Variants in C5orf22 observed in about 807,000 individuals in gnomAD.
C5orf22 encodes the protein UPF0489 protein C5orf22.
C5orf22 carries 36 observed loss-of-function variants against 48.7 expected under a neutral mutation model. That is an observed-to-expected ratio of 0.74 (90% confidence interval 0.57 to 0.98). The LOEUF (loss-of-function observed/expected upper bound fraction) is 0.98. C5orf22 is among the 50% of genes least tolerant of loss of function. The pLI, the probability that C5orf22 is intolerant of heterozygous loss-of-function variation, is 0.00. For missense variants in C5orf22, 486 were observed against 521.9 expected (o/e 0.93, Z 0.67); for synonymous variants, 141 against 180.8 (o/e 0.78, Z 1.76).
chr5:31,533,106 C>T (rs553130613), intron 1 of C5orf22, among the ~76,000 whole-genome samples: 1 of 152,196 alleles, frequency 6.6e-6, no homozygotes, highest in African/African-American at 2.4e-5. Flanking sequence ...AGGCACGCAT[C>T]ACCGTACCCA....
rs763449182 is a variant in C5orf22, at chr5:31,534,328, A to C, written c.138A>C (p.Val46=). 6.2e-7 allele frequency: 1 copy of C among 1,613,870 alleles called. No individual in the cohort carries two copies. Among genetic ancestry groups the C allele is most frequent in the South Asian group, 1.1e-5 (1 of 91,076 alleles). Residue 46 remains valine, a synonymous_variant, in exon 2 of 9, where the codon GTA becomes GTC. Coordinates refer to ENST00000325366, the MANE Select transcript of C5orf22 (RefSeq NM_018356.3). ...CAAAGCATCTTCCTGCCAGTAATGT[A>C]AGTTTTTTACATTTCGACTCACATC... ...IGSKHLPASN[V]SFLHFDSHPD...
At chr5:31,550,719 C>A (rs758948346) in intron 7 of C5orf22, among the ~76,000 whole-genome samples, 2 of 152,120 alleles carry the variant, frequency 1.3e-5, no homozygotes, top group African/African-American at 4.8e-5. Flanking sequence ...TGTGCCACCA[C>A]GCCCGGCTAA....
rs1227247372 is a variant in C5orf22, at chr5:31,553,952, A to G, written c.*1050A>G. The G allele has an allele frequency of 6.6e-6, 1 of 152,174 alleles. No individual in the cohort carries two copies. The highest frequency in any genetic ancestry group is 2.4e-5 in the African/African-American group (1 of 41,442). The allele number at this position is 152,174 out of a possible 1,614,324, so 9.4% of individuals were successfully genotyped here. ...TTTCAGATAAACCAGCTTTTTATGT[A>G]AAGAGTAAGGGAAAAAGTTAAATCT... On this transcript the variant is annotated 3_prime_UTR_variant, in exon 9 of 9. Coordinates refer to ENST00000325366, the MANE Select transcript of C5orf22 (RefSeq NM_018356.3).
chr5:31,542,333 G>A (rs898832836), intron 6 of C5orf22, among the ~76,000 whole-genome samples: 9 of 151,608 alleles, frequency 5.9e-5, no homozygotes, highest in Non-Finnish European at 1.0e-4. Flanking sequence ...AGTGGTGGGC[G>A]CCTGTAGTCC....
At chr5:31,534,568 G>A in intron 2 of C5orf22, 151 bp downstream of exon 2, 1 of 696,058 alleles carries the variant, frequency 1.4e-6, no homozygotes, top group East Asian at 2.8e-5. Context: ...TAGAACAAGT[G>A]TTGACAACTT....
rs756529629 is a variant in C5orf22, at chr5:31,532,346, T to A, written c.-47T>A. On this transcript the variant is annotated 5_prime_UTR_variant, in exon 1 of 9. Transcript: ENST00000325366. ...GATGAGGCGCCGGCTTTCCCGGGTC[T>A]TCTCCAGCTGCCACCGCTTTACTGC... 6.3e-7 allele frequency: 1 copy of A among 1,599,038 alleles called. No individual in the cohort carries two copies. Among genetic ancestry groups the A allele is most frequent in the South Asian group, 1.1e-5 (1 of 90,724 alleles).
intron 4 of C5orf22, among the ~76,000 whole-genome samples, chr5:31,539,351 G>A (rs1224304777): frequency 1.3e-5 from 2 of 152,182 alleles, no homozygotes; most frequent in African/African-American, 4.8e-5. Context: ...AGGGACAAGT[G>A]TACATTGAAA....
At position 31,532,449 on chromosome 5, in the gene C5orf22, G is replaced by GT; in HGVS notation, c.58dup (p.Trp20LeufsTer26). 1 of 1,613,974 alleles carries GT rather than the reference G, an allele frequency of 6.2e-7. No individual in the cohort carries two copies. On this transcript the variant is annotated frameshift_variant, in exon 1 of 9. Coordinates refer to ENST00000325366, the MANE Select transcript of C5orf22 (RefSeq NM_018356.3). LOFTEE classifies it high-confidence loss of function. The stretch of plus-strand genomic sequence containing the variant: ...TCCGGCGTTACCCCAAGCTCCCAGT[G>GT]TGGGTGGTGGAGGATCATCAGGAGG...
rs960636748 is a variant in C5orf22, at chr5:31,535,913, G to C, written c.377+20G>C. 1.9e-6 allele frequency: 3 copies of C among 1,601,216 alleles called. No homozygotes were observed. The highest frequency in any genetic ancestry group is 2.7e-5 in the African/African-American group (2 of 74,334). On this transcript the variant is annotated intron_variant, in intron 3 of 8. Coordinates refer to ENST00000325366, the MANE Select transcript of C5orf22 (RefSeq NM_018356.3). ...AATCAGGTAATTTCCTCATATTTGT[G>C]AATATGGAAGTGATTGAATGTTTCT...
chr5:31,551,388 T>C lies in C5orf22; in HGVS notation c.1155T>C (p.Tyr385=). 2 of 1,613,432 alleles carry C rather than the reference T, an allele frequency of 1.2e-6. No homozygotes were observed. The highest frequency in any genetic ancestry group is 1.7e-6 in the Non-Finnish European group (2 of 1,179,876). The change falls in exon 8 of 9, where the codon TAT becomes TAC. Residue 385 remains tyrosine (Y), a synonymous_variant. Coordinates refer to ENST00000325366, the MANE Select transcript of C5orf22 (RefSeq NM_018356.3). ...EIECLIQSVH[Y]LLKNLPNPTL... ...AGTGTCTTATTCAATCTGTGCATTA[T>C]TTGCTGAAAAATTTACCAAATCCTA...
Position 31,553,067 on chromosome 5 carries a change from T to C in C5orf22, c.*165T>C. 1.6e-6 allele frequency: 1 copy of C among 619,716 alleles called. No homozygotes were observed. Among genetic ancestry groups the C allele is most frequent in the East Asian group, 3.2e-5 (1 of 30,966 alleles). 38.4% of individuals were successfully genotyped at this position (619,716 alleles called of 1,614,324 possible). A position where few individuals can be genotyped will look rare whatever the true frequency, so the allele number is the denominator to read the frequency against. ...AACAACCATTGTCAGTTGTGAATGA[T>C]GGTAAATTTTTTGGCATCAAGTCTC... On this transcript the variant is annotated 3_prime_UTR_variant, in exon 9 of 9. Coordinates refer to ENST00000325366, the MANE Select transcript of C5orf22 (RefSeq NM_018356.3).
chr5:31,543,449 G>A (rs758341453), intron 6 of C5orf22, among the ~76,000 whole-genome samples: 31 of 151,922 alleles, frequency 2.0e-4, no homozygotes, highest in Non-Finnish European at 3.8e-4. Flanking sequence ...ATGCACCTGC[G>A]GCCCCAGCTA....
intron 8 of C5orf22, among the ~76,000 whole-genome samples, chr5:31,552,406 T>G (rs1279956284): frequency 6.6e-6 from 1 of 152,190 alleles, no homozygotes; most frequent in East Asian, 1.9e-4. Flanking sequence ...ATAAAAGATG[T>G]TCCATCGCTA....
At chr5:31,532,554 T>C (rs1261915045) in intron 1 of C5orf22, 81 bp downstream of exon 1, 1 of 1,248,160 alleles carries the variant, frequency 8.0e-7, no homozygotes, top group Non-Finnish European at 1.1e-6. Flanking sequence ...GGCGCAACCT[T>C]AGCATCGGAG....
rs1010944323 is a variant in C5orf22 at position 31,552,919 on chromosome 5, G to C, written c.*17G>C. ...CCATCTTGAAACAAACAAAACATTA[G>C]GCTCCTGTTGTATCTTGGTTTAGTA... On this transcript the variant is annotated 3_prime_UTR_variant, in exon 9 of 9. Coordinates refer to ENST00000325366, the MANE Select transcript of C5orf22 (RefSeq NM_018356.3). The C allele has an allele frequency of 6.2e-7, 1 of 1,611,176 alleles. No individual in the cohort carries two copies. Among genetic ancestry groups the C allele is most frequent in the African/African-American group, 1.3e-5 (1 of 74,758 alleles).
At chr5:31,548,864 C>A (rs1385720691) in intron 7 of C5orf22, among the ~76,000 whole-genome samples, 1 of 152,158 alleles carries the variant, frequency 6.6e-6, no homozygotes, top group Non-Finnish European at 1.5e-5. Context: ...GTGAAAGGCA[C>A]ATCTCACATG....
intron 8 of C5orf22, among the ~76,000 whole-genome samples, chr5:31,551,735 G>A (rs189148890): frequency 1.3e-5 from 2 of 152,192 alleles, no homozygotes; most frequent in East Asian, 3.9e-4. Context: ...AAAAGGCCAG[G>A]GGACAGATTA....
In C5orf22 at chr5:31,554,317, A is replaced by G. The variant is rs908594752; in HGVS notation, c.*1415A>G. 3 of 152,172 alleles carry G rather than the reference A, an allele frequency of 2.0e-5. No homozygotes were observed. The highest frequency in any genetic ancestry group is 2.9e-5 in the Non-Finnish European group (2 of 68,032). 9.4% of individuals were successfully genotyped at this position (152,172 alleles called of 1,614,324 possible). A position where few individuals can be genotyped will look rare whatever the true frequency, so the allele number is the denominator to read the frequency against. ...AGCTAAAATTATAGTGTGCTGCCTAACTTTGTGCTAATAACGAAGGACACA... is the reference window on the plus strand; with the variant it reads ...AGCTAAAATTATAGTGTGCTGCCTAGCTTTGTGCTAATAACGAAGGACACA... On this transcript the variant is annotated 3_prime_UTR_variant, in exon 9 of 9. Coordinates refer to ENST00000325366, the MANE Select transcript of C5orf22 (RefSeq NM_018356.3).
intron 5 of C5orf22, 100 bp downstream of exon 5, chr5:31,541,111 T>A: frequency 2.2e-6 from 1 of 455,234 alleles, no homozygotes; most frequent in Non-Finnish European, 3.7e-6. Flanking sequence ...TCAAAGTGTG[T>A]GTGTGTGTGT....
Sources: allele counts gnomAD v4.1 joint callset (sites outside exome capture counted in the v4.1 genomes callset), GRCh38; gene constraint gnomAD v4.1.1; transcripts MANE v1.5; gene names NCBI Gene and HGNC (gene_info 2026-07-23, HGNC 2026-07-21).